Variants in GGACT observed in about 807,000 individuals in gnomAD.
GGACT encodes gamma-glutamylamine cyclotransferase, also known as gamma-glutamylaminecyclotransferase.
For missense variants in GGACT, 241 were observed against 233.2 expected (o/e 1.03, Z -0.22); for synonymous variants, 118 against 115.3 (o/e 1.02, Z -0.15).
intron 2 of GGACT, among the ~76,000 whole-genome samples, chr13:100,572,803 G>C (rs1875126357): frequency 6.6e-6 from 1 of 152,164 alleles, no homozygotes; most frequent in African/African-American, 2.4e-5. Flanking sequence ...ATGATGAACT[G>C]TGCTGCAGGT....
intron 2 of GGACT, among the ~76,000 whole-genome samples, chr13:100,577,958 G>A (rs1354151437): frequency 1.3e-5 from 2 of 152,166 alleles, no homozygotes; most frequent in Non-Finnish European, 2.9e-5. Flanking sequence ...GGGTGGGAAT[G>A]ATATTTTCAC....
chr13:100,540,899 T>G (rs1178408886), intron 2 of GGACT, among the ~76,000 whole-genome samples: 2 of 152,214 alleles, frequency 1.3e-5, no homozygotes, highest in Non-Finnish European at 2.9e-5. Flanking sequence ...TGGGCCGGGC[T>G]GGGAGGGGTG....
intron 2 of GGACT, among the ~76,000 whole-genome samples, chr13:100,577,403 C>T (rs979213514): frequency 7.8e-5 from 9 of 116,040 alleles, no homozygotes; most frequent in African/African-American, 1.9e-4. Flanking sequence ...GTGACAAGAG[C>T]GAGACTCCAT....
chr13:100,550,702 C>T (rs1325339225), intron 2 of GGACT, among the ~76,000 whole-genome samples: 3 of 152,196 alleles, frequency 2.0e-5, no homozygotes, highest in African/African-American at 4.8e-5. Flanking sequence ...ACGTGCAAAG[C>T]CCCAGCTGTT....
intron 2 of GGACT, among the ~76,000 whole-genome samples, chr13:100,551,557 G>A (rs1298771952): frequency 4.6e-5 from 7 of 152,126 alleles, no homozygotes; most frequent in African/African-American, 1.2e-4. Context: ...ATAGCTAAGG[G>A]GTAGCTAAAC....
At chr13:100,536,358 G>C (rs1052351980) in intron 2 of GGACT, 1 of 151,852 alleles carries the variant, frequency 6.6e-6, no homozygotes, top group Non-Finnish European at 1.5e-5. Flanking sequence ...CCAATATTCC[G>C]GCAGTGGAGG....
chr13:100,585,636 C>T (rs1020809410), intron 1 of GGACT, among the ~76,000 whole-genome samples: 1 of 151,888 alleles, frequency 6.6e-6, no homozygotes, highest in Non-Finnish European at 1.5e-5. Flanking sequence ...GGTGTGGTGG[C>T]ATGCGCCTGT....
chr13:100,537,159 G>A (rs2088503526), intron 2 of GGACT: 1 of 152,296 alleles, frequency 6.6e-6, no homozygotes, highest in Non-Finnish European at 1.5e-5. Flanking sequence ...TTAGGAGGAA[G>A]CTGGACACAG....
chr13:100,546,941 G>A (rs553003300), intron 2 of GGACT, among the ~76,000 whole-genome samples: 12 of 152,156 alleles, frequency 7.9e-5, no homozygotes, highest in Non-Finnish European at 1.6e-4. Flanking sequence ...ACGGCCCGGC[G>A]CATGCAGTAG....
In GGACT at chr13:100,545,638, A is replaced by C. The variant is rs1316794662; in HGVS notation, c.-10-13037T>G. On this transcript the variant is annotated intron_variant, in intron 2 of 2. Transcript: ENST00000683975. This position sits in a 1 kb window ranked among gnomAD's most constrained non-coding sequence, Gnocchi z 4.4. ...GCACTCAGAAGCTGCCACTATCCTGAAATTCCCGATTTTGTCTTTGTATTT... is the reference window on the plus strand; with the variant it reads ...GCACTCAGAAGCTGCCACTATCCTGCAATTCCCGATTTTGTCTTTGTATTT... Among the ~76,000 whole-genome samples the C allele has an allele frequency of 6.6e-6, 1 of 152,236 alleles. No homozygotes were observed. Among genetic ancestry groups the C allele is most frequent in the East Asian group, 1.9e-4 (1 of 5,188 alleles).
chr13:100,545,129 G>A lies in GGACT; in HGVS notation c.-10-12528C>T, dbSNP rs2088593418. 6.6e-6 allele frequency among the ~76,000 whole-genome samples: 1 copy of A among 152,236 alleles called. No homozygotes were observed. Reference sequence around the variant, plus strand: ...TCACACAGGGCCAACCTGCAGGCACGGCCTCAGGAACCTGGCTCCACTTGC... The same window carrying A: ...TCACACAGGGCCAACCTGCAGGCACAGCCTCAGGAACCTGGCTCCACTTGC... On this transcript the variant is annotated intron_variant, in intron 2 of 2. Transcript: ENST00000683975. The surrounding 1 kb of genome is among the most constrained non-coding windows in gnomAD (Gnocchi z 4.4).
chr13:100,532,181 G>A lies in GGACT; in HGVS notation c.411C>T (p.Tyr137=). 1.4e-6 allele frequency: 2 copies of A among 1,465,728 alleles called. No homozygotes were observed. The highest frequency in any genetic ancestry group is 2.6e-5 in the Admixed American group (1 of 39,206). The allele number at this position is 1,465,728 out of a possible 1,614,324, so 90.8% of individuals were successfully genotyped here. The change falls in exon 3 of 3, where the codon TAC becomes TAT. Residue 137 remains tyrosine, a synonymous_variant. Coordinates refer to ENST00000683975, the MANE Select transcript of GGACT (RefSeq NM_001195087.2). ...GCAGCCCGTGCGGCCCCTCGGAGTC[G>A]TAGCTGTCATGGTGCGGGAGCTGGG... The part of the protein sequence containing the change: ...EWAQLPHHDS[Y]DSEGPHGLRY...
chr13:100,552,671 A>C (rs2088675430), intron 2 of GGACT, among the ~76,000 whole-genome samples: 1 of 152,228 alleles, frequency 6.6e-6, no homozygotes, highest in Non-Finnish European at 1.5e-5. Flanking sequence ...GTTTCTGTTA[A>C]GATCATCTGC....
intron 2 of GGACT, among the ~76,000 whole-genome samples, chr13:100,564,705 T>C (rs989211698): frequency 1.3e-5 from 2 of 152,334 alleles, no homozygotes; most frequent in African/African-American, 4.8e-5. Context: ...AGTACAAATA[T>C]TAAGCCACAG....
At chr13:100,543,196 G>GTTTT (rs1566530390) in intron 2 of GGACT, among the ~76,000 whole-genome samples, 43 of 63,620 alleles carry the variant, frequency 6.8e-4, no homozygotes, top group South Asian at 1.7e-3. Flanking sequence ...AAAGACACCA[G>GTTTT]CTTTTTTTTT....
At chr13:100,542,419 C>T (rs2153013103) in intron 2 of GGACT, among the ~76,000 whole-genome samples, 1 of 152,326 alleles carries the variant, frequency 6.6e-6, no homozygotes, top group Non-Finnish European at 1.5e-5. Flanking sequence ...AAGCGTGTTC[C>T]AGCCTGCCAC....
At chr13:100,550,344 ACACACACAC>A (rs1179776484) in intron 2 of GGACT, among the ~76,000 whole-genome samples, 2 of 44,480 alleles carry the variant, frequency 4.5e-5, no homozygotes, top group Non-Finnish European at 1.0e-4. Flanking sequence ...ACACACACAC[ACACACACAC>A]ACCACTGGCC....
intron 2 of GGACT, among the ~76,000 whole-genome samples, chr13:100,563,769 G>C (rs758980267): frequency 4.6e-5 from 7 of 152,266 alleles, no homozygotes; most frequent in Non-Finnish European, 7.3e-5. Context: ...GAACAGGAAA[G>C]AGAAGAATGA....
In GGACT at chr13:100,532,340, G is replaced by A. The variant is rs188503423; in HGVS notation, c.252C>T (p.Cys84=). The A allele has an allele frequency of 3.2e-6, 5 of 1,550,530 alleles. No individual in the cohort carries two copies. Among genetic ancestry groups the A allele is most frequent in the Admixed American group, 3.9e-5 (2 of 50,990 alleles). Residue 84 remains cysteine, a synonymous_variant, in exon 3 of 3, where the codon TGC becomes TGT. Transcript: ENST00000683975. ...MLRFLDDFES[C]PALYQRTVLR... ...GCACCGTGCGCTGGTACAGGGCCGG[G>A]CAACTCTCGAAGTCATCCAGAAAGC... is the stretch of plus-strand genomic sequence containing the variant.
Sources: allele counts gnomAD v4.1 joint callset (sites outside exome capture counted in the v4.1 genomes callset), GRCh38; gene constraint gnomAD v4.1.1; non-coding constraint Gnocchi (gnomAD v3.1); transcripts MANE v1.5; gene names NCBI Gene and HGNC (gene_info 2026-07-23, HGNC 2026-07-21).